The following DGKK variants were observed in gnomAD, a reference collection of about 807,000 sequenced individuals.
DGKK encodes diacylglycerol kinase kappa.
A neutral mutation model predicts 92.2 loss-of-function variants in DGKK; 35 were observed. The observed-to-expected ratio is 0.38, with a 90% CI of 0.29 to 0.50. The LOEUF is 0.50. Among genes scored for constraint, DGKK ranks in the 20% least tolerant of loss-of-function variants. DGKK has a pLI of 0.92. For synonymous variants in DGKK, 368 were observed against 360.6 expected, an observed-to-expected ratio of 1.02 and a Z score of -0.23; for missense variants, 910 against 992.2, an observed-to-expected ratio of 0.92 and a Z score of 1.11.
chrX:50,451,543 T>C (rs1926493355), intron 1 of DGKK, among the ~76,000 whole-genome samples: 1 of 111,458 alleles, frequency 9.0e-6, no homozygotes, highest in Non-Finnish European at 1.9e-5. Context: ...ATACAATTTA[T>C]ATGTAGAATA....
chrX:50,468,611 A>T (rs372601318), intron 1 of DGKK, among the ~76,000 whole-genome samples: 131 of 111,425 alleles, frequency 1.2e-3, no homozygotes, highest in African/African-American at 3.9e-3. Context: ...TCTCTGTGAA[A>T]CTTTTCATTT....
In DGKK at chrX:50,370,679, G is replaced by A. The variant is rs903745554; in HGVS notation, c.3613-130C>T. 4.2e-6 allele frequency: 3 copies of A among 719,335 alleles called. No individual in the cohort carries two copies. The African/African-American group carries it at 6.5e-5, about 16-fold the overall frequency. 59.3% of individuals were successfully genotyped at this position (719,335 alleles called of 1,213,427 possible). A position where few individuals can be genotyped will look rare whatever the true frequency, so the allele number is the denominator to read the frequency against. On this transcript the variant is annotated intron_variant, in intron 26 of 27. Transcript: ENST00000611977. ...GGAGATCTGCTCTCTATCCAGGTAT[G>A]AGAAACACCCCCATCACTGGTCGCA... is the stretch of plus-strand genomic sequence containing the variant.
chrX:50,389,987 A>G (rs1924644642), intron 12 of DGKK, among the ~76,000 whole-genome samples: 1 of 111,431 alleles, frequency 9.0e-6, no homozygotes, highest in African/African-American at 3.3e-5. Context: ...TTATATACTA[A>G]CACTCATACT....
At position 50,379,698 on chromosome X, in the gene DGKK, C is replaced by G. The variant is rs782445225; in HGVS notation, c.2791G>C (p.Gly931Arg). The change falls in exon 20 of 28, where the codon GGC (glycine) becomes CGC (arginine). Residue 931 changes from glycine to arginine, a missense_variant. Physicochemically the swap from Gly to Arg is moderately radical, Grantham distance 125. Transcript: ENST00000611977. ...GETISLPNLQ[G>R]IVVLNITSYA... ...CTGGTAATGTTGAGCACTACAATGC[C>G]TTGCAGGTTTGGCAAGGAGATGGTT... is the stretch of plus-strand genomic sequence containing the variant. 2 of 1,209,951 alleles carry G rather than the reference C, an allele frequency of 1.7e-6. No homozygotes were observed. The highest frequency in any genetic ancestry group is 1.1e-6 in the Non-Finnish European group (1 of 895,027).
chrX:50,434,901 A>G (rs1181146941), intron 1 of DGKK, among the ~76,000 whole-genome samples: 1 of 111,845 alleles, frequency 8.9e-6, no homozygotes, highest in African/African-American at 3.3e-5. Flanking sequence ...AGACAGAGAT[A>G]TATTCTGAGA....
intron 8 of DGKK, among the ~76,000 whole-genome samples, chrX:50,396,272 A>G (rs781829355): frequency 8.9e-6 from 1 of 112,088 alleles, no homozygotes; most frequent in Non-Finnish European, 1.9e-5. Flanking sequence ...TTACTGGTAT[A>G]TACATGAAGA....
At chrX:50,398,959 A>C (rs1200990819) in intron 8 of DGKK, among the ~76,000 whole-genome samples, 2 of 112,208 alleles carry the variant, frequency 1.8e-5, no homozygotes, top group African/African-American at 6.5e-5. Flanking sequence ...CATTCTCCTA[A>C]CTAGGCAAGT....
chrX:50,465,977 T>A (rs1004833945), intron 1 of DGKK, among the ~76,000 whole-genome samples: 1 of 107,551 alleles, frequency 9.3e-6, no homozygotes, highest in African/African-American at 3.4e-5. Flanking sequence ...CCCTGAATGG[T>A]TTCCTGGTTT....
intron 7 of DGKK, 23 bp from the exon 8 acceptor site, chrX:50,401,162 G>T (rs781891185): frequency 6.1e-6 from 7 of 1,145,358 alleles, no homozygotes. Flanking sequence ...GAGAAGAGCA[G>T]AGAAAAAAAA....
At position 50,420,527 on chromosome X, in the gene DGKK, A is replaced by C; in HGVS notation, c.838-20T>G. ...AATAACCTAAACAAAAAGCCACATT[A>C]TTAGCTGGTTCCCACTCCATAACTT... On this transcript the variant is annotated intron_variant, in intron 3 of 27. Coordinates refer to ENST00000611977, the MANE Select transcript of DGKK (RefSeq NM_001013742.4). 2 of 1,187,155 alleles carry C rather than the reference A, an allele frequency of 1.7e-6. No individual in the cohort carries two copies. The highest frequency in any genetic ancestry group is 3.0e-5 in the East Asian group (1 of 33,685).
rs138030068 is a variant in DGKK, at chrX:50,423,151, G to C, written c.757-625C>G. Among the ~76,000 whole-genome samples the C allele has an allele frequency of 8.7e-3, 979 of 112,215 alleles. 6 individuals are homozygous for C. The highest frequency in any genetic ancestry group is 0.042 in the Middle Eastern group (9 of 213). The stretch of plus-strand genomic sequence containing the variant: ...AAAATTACCTCATAATTTTGTCTTT[G>C]AGCATGTGTTTTGTAAGTAAAGTCC... On this transcript the variant is annotated intron_variant, in intron 2 of 27. Transcript: ENST00000611977.
At chrX:50,420,624 T>C in intron 3 of DGKK, 117 bp from the exon 4 acceptor site, 1 of 578,449 alleles carries the variant, frequency 1.7e-6, no homozygotes, top group South Asian at 3.4e-5. Flanking sequence ...AAGCCACTTC[T>C]TGAATATAAG....
chrX:50,396,040 T>C (rs1196589355), intron 8 of DGKK, among the ~76,000 whole-genome samples: 1 of 112,050 alleles, frequency 8.9e-6, no homozygotes, highest in Non-Finnish European at 1.9e-5. Context: ...TTATTTGCAA[T>C]AGCAAAAGAC....
At chrX:50,422,002 C>T (rs1462960047) in intron 3 of DGKK, among the ~76,000 whole-genome samples, 2 of 112,206 alleles carry the variant, frequency 1.8e-5, no homozygotes, top group Non-Finnish European at 3.8e-5. Context: ...AAATCTTCTG[C>T]TTTCTTTGAG....
At chrX:50,390,179 T>A (rs1349240561) in intron 12 of DGKK, 149 bp downstream of exon 12, 3 of 482,609 alleles carry the variant, frequency 6.2e-6, no homozygotes, top group Non-Finnish European at 1.1e-5. Context: ...AACATAGTTC[T>A]TGGTAAATAG....
intron 1 of DGKK, among the ~76,000 whole-genome samples, chrX:50,467,975 G>T (rs1408485908): frequency 8.9e-6 from 1 of 112,041 alleles, no homozygotes; most frequent in African/African-American, 3.2e-5. Context: ...CTACAGATAA[G>T]TGATTCAACA....
At chrX:50,452,777 T>C (rs1285563030) in intron 1 of DGKK, among the ~76,000 whole-genome samples, 2 of 111,871 alleles carry the variant, frequency 1.8e-5, no homozygotes, top group African/African-American at 6.5e-5. Flanking sequence ...CCAGATATTC[T>C]ATGGTGGGAA....
chrX:50,385,096 C>CT (rs1272252297), intron 15 of DGKK, among the ~76,000 whole-genome samples: 1 of 111,480 alleles, frequency 9.0e-6, no homozygotes, highest in Admixed American at 9.5e-5. Context: ...ACTGGTTACT[C>CT]TTTTTTCTCT....
chrX:50,451,482 T>C (rs1926492123), intron 1 of DGKK, among the ~76,000 whole-genome samples: 1 of 111,396 alleles, frequency 9.0e-6, no homozygotes, highest in Non-Finnish European at 1.9e-5. Context: ...TAGAGACAAG[T>C]GTAAATGAAA....
Sources: gnomAD v4.1 joint callset for allele counts (sites outside exome capture counted in the v4.1 genomes callset) on GRCh38, gnomAD v4.1.1 for gene constraint, MANE v1.5 for transcripts, NCBI Gene and HGNC (gene_info 2026-07-23, HGNC 2026-07-21) for gene names.